Variants in RHBG observed in about 807,000 individuals in gnomAD.
RHBG encodes ammonium transporter Rh type B.
RHBG carries 39 observed loss-of-function variants against 40.1 expected under a neutral mutation model. The ratio of observed to expected loss-of-function variants is 0.97; its 90% CI spans 0.75 to 1.27. The LOEUF (loss-of-function observed/expected upper bound fraction) is 1.27, where lower values mean the gene tolerates loss of function less well. RHBG is among the 50% of genes most tolerant of loss of function. The probability of loss-of-function intolerance (pLI) is 0.00; values close to 1 mark genes in which losing one functional copy is unlikely to be tolerated. For missense variants in RHBG, 549 were observed against 588.1 expected (o/e 0.93, Z 0.69); for synonymous variants, 237 against 252.5 (o/e 0.94, Z 0.58).
chr1:156,374,368 C>A (rs1226212934), intron 1 of RHBG, among the ~76,000 whole-genome samples: 1 of 152,122 alleles, frequency 6.6e-6, no homozygotes, highest in Non-Finnish European at 1.5e-5. Flanking sequence ...ATGTAATTAA[C>A]TGTAATTTTG....
In RHBG at chr1:156,381,426, C is replaced by T. The variant is rs1667627903; in HGVS notation, c.753C>T (p.Ala251=). 5 of 1,614,014 alleles carry T rather than the reference C, an allele frequency of 3.1e-6. No homozygotes were observed. Among genetic ancestry groups the T allele is most frequent in the Non-Finnish European group, 4.2e-6 (5 of 1,180,036 alleles). Residue 251 remains alanine, a synonymous_variant, in exon 5 of 10, where the codon GCC becomes GCT. Coordinates refer to ENST00000537040, the MANE Select transcript of RHBG (RefSeq NM_020407.5). The part of the protein sequence containing the change: ...TALGAGQHRT[A]LNTYYSLAAS... Reference sequence around the variant, plus strand: ...TGGGGGCTGGGCAGCATCGGACGGCCCTCAACACATACTACTCCCTGGCTG... The same window carrying T: ...TGGGGGCTGGGCAGCATCGGACGGCTCTCAACACATACTACTCCCTGGCTG...
At position 156,381,399 on chromosome 1, in the gene RHBG, G is replaced by T; in HGVS notation, c.726G>T (p.Ala242=). 2 of 1,614,122 alleles carry T rather than the reference G, an allele frequency of 1.2e-6. No individual in the cohort carries two copies. Among genetic ancestry groups the T allele is most frequent in the Non-Finnish European group, 1.7e-6 (2 of 1,180,032 alleles). ...FWPSFNAALT[A]LGAGQHRTAL... ...CTAGCTTCAATGCTGCACTCACAGC[G>T]CTGGGGGCTGGGCAGCATCGGACGG... Residue 242 remains alanine, a synonymous_variant, in exon 5 of 10, where the codon GCG becomes GCT. Transcript: ENST00000537040.
chr1:156,384,705 G>T, intron 9 of RHBG, 72 bp from the exon 10 acceptor site: 2 of 1,560,602 alleles, frequency 1.3e-6, no homozygotes, highest in Middle Eastern at 1.7e-4. Context: ...TCTCCTCTGG[G>T]GTACACCCCT....
chr1:156,383,250 G>A (rs3790462), intron 8 of RHBG, among the ~76,000 whole-genome samples: 43,607 of 152,172 alleles, frequency 0.29, 6,269 homozygotes, highest in Middle Eastern at 0.36. Flanking sequence ...ACCCCAGTGC[G>A]AAAACCTTCC....
intron 7 of RHBG, chr1:156,382,443 G>C (rs543992169): frequency 1.1e-5 from 7 of 633,658 alleles, no homozygotes; most frequent in Admixed American, 8.5e-5. Flanking sequence ...TGAAGGGTCA[G>C]TAAGAGATAA....
chr1:156,384,671 C>A, intron 9 of RHBG, 71 bp downstream of exon 9: 1 of 1,538,698 alleles, frequency 6.5e-7, no homozygotes, highest in Non-Finnish European at 8.9e-7. Flanking sequence ...GCCCAAGTTG[C>A]CTTCTTCCTT....
Position 156,383,919 on chromosome 1 carries a change from C to T in RHBG, c.1235-608C>T, listed in dbSNP as rs1667858751. 2.0e-5 allele frequency among the ~76,000 whole-genome samples: 3 copies of T among 150,156 alleles called. No homozygotes were observed. In the South Asian group the frequency reaches 6.3e-4, roughly 32 times the overall value. ...CATGATCTCAGCTCACTTCAACCTC[C>T]ACCTCCCGGGTTCAAGCGATTCTCC... On this transcript the variant is annotated intron_variant, in intron 8 of 9. Transcript: ENST00000537040.
At position 156,382,814 on chromosome 1, in the gene RHBG, G is replaced by A; in HGVS notation, c.1179G>A (p.Gln393=). Residue 393 remains glutamine (Q), a synonymous_variant, in exon 8 of 10, where the codon CAG becomes CAA. Transcript: ENST00000537040. ...GTGCCACGTCACAGGCCATGCACCA[G>A]CTCTTCGGGCTGTTTGTCACACTGA... ...QRSATSQAMH[Q]LFGLFVTLMF... is the part of the protein sequence containing the mutation. The A allele has an allele frequency of 6.2e-7, 1 of 1,614,256 alleles. No individual in the cohort carries two copies. The highest frequency in any genetic ancestry group is 8.5e-7 in the Non-Finnish European group (1 of 1,180,052).
rs1667916914 is a variant in RHBG at position 156,384,563 on chromosome 1, C to CA, written c.1272dup (p.Asp425ArgfsTer18). ...AAGCTACCCTTTCTGGACTCCCCCCCAGACTCCCAGCACTACGAGGACCAA... is the reference window on the plus strand; with the variant it reads ...AAGCTACCCTTTCTGGACTCCCCCCCAAGACTCCCAGCACTACGAGGACCAA... On this transcript the variant is annotated frameshift_variant, in exon 9 of 10. Coordinates refer to ENST00000537040, the MANE Select transcript of RHBG (RefSeq NM_020407.5). LOFTEE classifies it high-confidence loss of function. 9 of 1,600,620 alleles carry CA rather than the reference C, an allele frequency of 5.6e-6. No homozygotes were observed. Among genetic ancestry groups the CA allele is most frequent in the Middle Eastern group, 1.7e-4 (1 of 5,998 alleles).
chr1:156,370,782 C>T (rs1666800760), intron 1 of RHBG, among the ~76,000 whole-genome samples: 1 of 152,058 alleles, frequency 6.6e-6, no homozygotes, highest in African/African-American at 2.4e-5. Flanking sequence ...CACGATCACC[C>T]ATCATGTGAG....
chr1:156,371,063 G>T, intron 1 of RHBG: 1 of 358,008 alleles, frequency 2.8e-6, no homozygotes, highest in Admixed American at 3.9e-5. Context: ...TGAGCAAGGG[G>T]AAAAAGGATG....
In RHBG at chr1:156,377,540, C is replaced by A; in HGVS notation, c.374+53C>A. 6.5e-7 allele frequency: 1 copy of A among 1,546,270 alleles called. No individual in the cohort carries two copies. The highest frequency in any genetic ancestry group is 1.2e-5 in the South Asian group (1 of 86,002). ...CCAAGGTTCACTCGGGAGGCCCCTG[C>A]CCATGGGCCCCGGATCTAGCCCTGT... On this transcript the variant is annotated intron_variant, in intron 2 of 9. Transcript: ENST00000537040. This position sits in a 1 kb window ranked among gnomAD's most constrained non-coding sequence, Gnocchi z 4.6.
At chr1:156,374,426 C>G (rs951200265) in intron 1 of RHBG, among the ~76,000 whole-genome samples, 7 of 152,092 alleles carry the variant, frequency 4.6e-5, no homozygotes, top group African/African-American at 1.7e-4. Context: ...ACTCTTCTGT[C>G]TTTATTATCC....
At chr1:156,384,486 G>A (rs1272048204) in intron 8 of RHBG, 41 bp from the exon 9 acceptor site, 1 of 1,586,352 alleles carries the variant, frequency 6.3e-7, no homozygotes, top group Admixed American at 1.7e-5. Context: ...TCCATGGTGG[G>A]GGGCAGAGAA....
chr1:156,373,689 G>A (rs2101760638), intron 1 of RHBG, among the ~76,000 whole-genome samples: 1 of 152,304 alleles, frequency 6.6e-6, no homozygotes, highest in South Asian at 2.1e-4. Flanking sequence ...CAAACCTGGG[G>A]TGGGAGATGT....
chr1:156,382,823 G>C lies in RHBG; in HGVS notation c.1188G>C (p.Gly396=), dbSNP rs372689213. 1.2e-6 allele frequency: 2 copies of C among 1,614,140 alleles called. No homozygotes were observed. Among genetic ancestry groups the C allele is most frequent in the African/African-American group, 2.7e-5 (2 of 74,948 alleles). ...ATSQAMHQLF[G]LFVTLMFASV... ...CACAGGCCATGCACCAGCTCTTCGG[G>C]CTGTTTGTCACACTGATGTTTGCCT... Residue 396 remains glycine (G), a synonymous_variant, in exon 8 of 10, where the codon GGG becomes GGC. Transcript: ENST00000537040.
chr1:156,373,911 G>GT (rs1030750203), intron 1 of RHBG, among the ~76,000 whole-genome samples: 2 of 152,062 alleles, frequency 1.3e-5, no homozygotes, highest in Non-Finnish European at 2.9e-5. Flanking sequence ...CTCCCTTTCT[G>GT]TTTTTTTCCC....
chr1:156,382,290 G>T (rs917440253), intron 7 of RHBG, 89 bp downstream of exon 7: 4 of 1,585,070 alleles, frequency 2.5e-6, no homozygotes, highest in Non-Finnish European at 3.5e-6. Context: ...CAAGAAAAAA[G>T]AATGAATTCA....
chr1:156,380,996 C>T (rs933411421), intron 4 of RHBG, among the ~76,000 whole-genome samples: 3 of 152,068 alleles, frequency 2.0e-5, no homozygotes, highest in Non-Finnish European at 2.9e-5. Flanking sequence ...GCCTCCCAGT[C>T]TCAAGCGATC....
Sources: gnomAD v4.1 joint callset for allele counts (sites outside exome capture counted in the v4.1 genomes callset) on GRCh38, gnomAD v4.1.1 for gene constraint, Gnocchi (gnomAD v3.1) non-coding constraint, MANE v1.5 for transcripts, NCBI Gene and HGNC (gene_info 2026-07-23, HGNC 2026-07-21) for gene names.